DPP6: variants seen among roughly 807,000 people sequenced by gnomAD.
DPP6 encodes A-type potassium channel modulatory protein DPP6.
DPP6 carries 69 observed loss-of-function variants against 122.6 expected under a neutral mutation model. The observed-to-expected ratio is 0.56, with a 90% confidence interval of 0.46 to 0.69. The LOEUF (loss-of-function observed/expected upper bound fraction) is 0.69. DPP6 is among the 30% of genes least tolerant of loss of function. The probability of loss-of-function intolerance (pLI) is 0.00; values close to 1 mark genes in which losing one functional copy is unlikely to be tolerated. For missense variants in DPP6, 928 were observed against 1,116.9 expected (o/e 0.83, Z 2.41); for synonymous variants, 418 against 433.1 (o/e 0.97, Z 0.43).
chr7:153,900,190 A>G (rs1799584481), intron 1 of DPP6, among the ~76,000 whole-genome samples: 1 of 148,962 alleles, frequency 6.7e-6, no homozygotes, highest in African/African-American at 2.5e-5. Flanking sequence ...CAGTGATTTC[A>G]TTTTTGTTTT....
rs186506018 is a variant in DPP6 at position 154,538,701 on chromosome 7, T to G, written c.458-1831T>G. On this transcript the variant is annotated intron_variant, in intron 3 of 25. Transcript: ENST00000377770. ...AACTTATATAACTAACAAACTTAAG[T>G]GCTTTCTAAAAAAAAATTCTAAAAT... 5.6e-3 allele frequency among the ~76,000 whole-genome samples: 847 copies of G among 151,586 alleles called. 7 individuals are homozygous for G. The highest frequency in any genetic ancestry group is 9.1e-3 in the Non-Finnish European group (617 of 68,018).
rs1373826748 is a variant in DPP6, at chr7:154,833,610, G to A, written c.1667-20170G>A. Among the ~76,000 whole-genome samples the A allele has an allele frequency of 6.6e-6, 1 of 152,086 alleles. No homozygotes were observed. The highest frequency in any genetic ancestry group is 1.5e-5 in the Non-Finnish European group (1 of 68,038). Reference sequence around the variant, plus strand: ...TGATGTCATCCGTCATTGTAGCTCCGACTCTGACTCCGTATCTCAGAGGTG... The same window carrying A: ...TGATGTCATCCGTCATTGTAGCTCCAACTCTGACTCCGTATCTCAGAGGTG... On this transcript the variant is annotated intron_variant, in intron 16 of 25. Coordinates refer to ENST00000377770, the MANE Select transcript of DPP6 (RefSeq NM_130797.4). This position sits in a 1 kb window ranked among gnomAD's most constrained non-coding sequence, Gnocchi z 4.3.
At chr7:154,370,887 G>A (rs1361703940) in intron 1 of DPP6, among the ~76,000 whole-genome samples, 1 of 152,172 alleles carries the variant, frequency 6.6e-6, no homozygotes, top group Non-Finnish European at 1.5e-5. Flanking sequence ...CTTAGGCACA[G>A]CTAGTTTCCT....
intron 18 of DPP6, among the ~76,000 whole-genome samples, chr7:154,869,919 C>T (rs564405961): frequency 4.1e-5 from 6 of 147,558 alleles, no homozygotes; most frequent in African/African-American, 1.3e-4. Flanking sequence ...AAGGTGACCA[C>T]GCCAGGGAAG....
intron 1 of DPP6, among the ~76,000 whole-genome samples, chr7:154,140,897 A>G (rs3115135): frequency 6.6e-6 from 1 of 152,230 alleles, no homozygotes; most frequent in Admixed American, 6.5e-5. Flanking sequence ...TCAGGTTTCC[A>G]TATATCAAAT....
chr7:154,550,748 CTT>C (rs35197365), intron 4 of DPP6, among the ~76,000 whole-genome samples: 38,506 of 126,346 alleles, frequency 0.3, 4,667 homozygotes, highest in Middle Eastern at 0.39. Context: ...AATTTTAGTT[CTT>C]TTTTTTTTTT....
the DPP6 span, among the ~76,000 whole-genome samples, chr7:153,785,776 C>T: frequency 6.6e-6 from 1 of 152,082 alleles, no homozygotes; most frequent in Non-Finnish European, 1.5e-5. Flanking sequence ...CTTCAGCCTC[C>T]CTAGTACCTG....
At chr7:154,075,400 C>G (rs1803482523) in intron 1 of DPP6, among the ~76,000 whole-genome samples, 1 of 151,490 alleles carries the variant, frequency 6.6e-6, no homozygotes, top group Non-Finnish European at 1.5e-5. Context: ...AAATATGGAA[C>G]CAGCCTAAAT....
chr7:154,670,248 T>C (rs755004545), intron 7 of DPP6, among the ~76,000 whole-genome samples: 10 of 152,200 alleles, frequency 6.6e-5, no homozygotes, highest in Non-Finnish European at 1.2e-4. Flanking sequence ...CCGTGGTCAT[T>C]GCAGCCTTCT....
intron 1 of DPP6, among the ~76,000 whole-genome samples, chr7:154,310,337 G>T (rs2150996258): frequency 6.6e-6 from 1 of 152,332 alleles, no homozygotes; most frequent in African/African-American, 2.4e-5. Flanking sequence ...TGTGCTCTGA[G>T]AACTGACAGG....
chr7:154,353,478 C>G (rs1169912112), intron 1 of DPP6, among the ~76,000 whole-genome samples: 1 of 152,106 alleles, frequency 6.6e-6, no homozygotes, highest in Non-Finnish European at 1.5e-5. Context: ...GCCCGTTATT[C>G]TAATCTGATG....
At chr7:153,867,130 C>G in the DPP6 span, among the ~76,000 whole-genome samples, 1 of 152,096 alleles carries the variant, frequency 6.6e-6, no homozygotes, top group African/African-American at 2.4e-5. Flanking sequence ...CTTGGCAATG[C>G]GGGCTCTTTT....
chr7:154,686,080 C>G (rs1839580167), intron 7 of DPP6, among the ~76,000 whole-genome samples: 1 of 131,726 alleles, frequency 7.6e-6, no homozygotes, highest in East Asian at 2.3e-4. Flanking sequence ...TCACAATGTT[C>G]CCACCACCAT....
intron 3 of DPP6, chr7:154,475,295 G>A (rs1018256985): frequency 2.1e-5 from 9 of 426,906 alleles, no homozygotes; most frequent in African/African-American, 1.6e-4. Flanking sequence ...TGCTGAAGAC[G>A]TGTCCTTTGT....
intron 5 of DPP6, among the ~76,000 whole-genome samples, chr7:154,615,107 A>G (rs1834154456): frequency 6.6e-6 from 1 of 152,154 alleles, no homozygotes; most frequent in Non-Finnish European, 1.5e-5. Context: ...TTTTGCAGGG[A>G]GGCATATTGG....
chr7:154,819,370 A>G (rs1264882810), intron 16 of DPP6, among the ~76,000 whole-genome samples: 1 of 152,222 alleles, frequency 6.6e-6, no homozygotes, highest in Non-Finnish European at 1.5e-5. Context: ...AGCTGAGATC[A>G]TGCCATTGCC....
chr7:154,063,465 A>AGTG (rs1802372605), intron 1 of DPP6, among the ~76,000 whole-genome samples: 1 of 108,126 alleles, frequency 9.2e-6, no homozygotes. Flanking sequence ...CCCGCGAGGC[A>AGTG]GGGACTGAGA....
At chr7:154,507,700 T>C (rs561760313) in intron 3 of DPP6, among the ~76,000 whole-genome samples, 15 of 152,220 alleles carry the variant, frequency 9.9e-5, no homozygotes, top group Non-Finnish European at 1.6e-4. Flanking sequence ...ATCCACCCAA[T>C]AAAGAAATCT....
At chr7:154,147,600 C>T (rs1005291502) in intron 1 of DPP6, among the ~76,000 whole-genome samples, 45 of 152,060 alleles carry the variant, frequency 3.0e-4, no homozygotes, top group African/African-American at 1.1e-3. Context: ...CTGCCTCAGC[C>T]TCCTGAGTAG....
Sources: gnomAD v4.1 joint callset for allele counts (sites outside exome capture counted in the v4.1 genomes callset) on GRCh38, gnomAD v4.1.1 for gene constraint, Gnocchi (gnomAD v3.1) non-coding constraint, MANE v1.5 for transcripts, NCBI Gene and HGNC (gene_info 2026-07-23, HGNC 2026-07-21) for gene names.